GLRX3: variants seen among roughly 807,000 people sequenced by gnomAD.
GLRX3 encodes the protein glutaredoxin 3.
GLRX3 carries 22 observed loss-of-function variants against 49.5 expected under a neutral mutation model. The ratio of observed to expected loss-of-function variants is 0.44; its 90% CI spans 0.32 to 0.63. The LOEUF (loss-of-function observed/expected upper bound fraction) is 0.63. GLRX3 is among the 30% of genes least tolerant of loss of function. The probability of loss-of-function intolerance (pLI) is 0.05; values close to 1 mark genes in which losing one functional copy is unlikely to be tolerated. For synonymous variants in GLRX3, 133 were observed against 140.0 expected, an observed-to-expected ratio of 0.95 and a Z score of 0.35; for missense variants, 385 against 396.3, an observed-to-expected ratio of 0.97 and a Z score of 0.24.
At chr10:130,144,215 A>G (rs976629071) in intron 1 of GLRX3, among the ~76,000 whole-genome samples, 4 of 150,958 alleles carry the variant, frequency 2.6e-5, no homozygotes, top group African/African-American at 4.9e-5. Context: ...TTTCACAAAC[A>G]TTGTGCCATT....
chr10:130,159,218 G>A (rs578114286), intron 2 of GLRX3, among the ~76,000 whole-genome samples: 1 of 152,262 alleles, frequency 6.6e-6, no homozygotes, highest in South Asian at 2.1e-4. Flanking sequence ...ATATAGCTTG[G>A]TATTTCTCCA....
At position 130,170,558 on chromosome 10, in the gene GLRX3, G is replaced by C. The variant is rs552688638; in HGVS notation, c.772-1026G>C. ...GCCTAAATTCTTTGATTTTGGTTCA[G>C]TGTATTGAAACAATAGAGGAAGTTA... On this transcript the variant is annotated intron_variant, in intron 7 of 10. Coordinates refer to ENST00000331244, the MANE Select transcript of GLRX3 (RefSeq NM_006541.5). Among the ~76,000 whole-genome samples the C allele has an allele frequency of 3.9e-5, 6 of 152,260 alleles. No individual in the cohort carries two copies. In the South Asian group the frequency reaches 1.2e-3, roughly 32 times the overall value.
At position 130,169,439 on chromosome 10, in the gene GLRX3, A is replaced by C. The variant is rs911209424; in HGVS notation, c.720A>C (p.Lys240Asn). 4 of 1,608,758 alleles carry C rather than the reference A, an allele frequency of 2.5e-6. No individual in the cohort carries two copies. The Admixed American group carries it at 5.0e-5, about 20-fold the overall frequency. ...PKAPKLEERL[K>N]VLTNKASVML... ...ATCAATTTTCTCTCTTTAGGCTCAA[A>C]GTGCTGACAAATAAAGCTTCTGTGA... Residue 240 changes from lysine (K) to asparagine (N), a missense_variant, in exon 7 of 11, where the codon AAA (lysine) becomes AAC (asparagine). Coordinates refer to ENST00000331244, the MANE Select transcript of GLRX3 (RefSeq NM_006541.5).
chr10:130,143,001 G>A (rs4750790), intron 1 of GLRX3, among the ~76,000 whole-genome samples: 123,571 of 152,140 alleles, frequency 0.81, 50,934 homozygotes, highest in African/African-American at 0.94. Context: ...CTGTATATCA[G>A]GTGCAGACTT....
chr10:130,142,991 C>G (rs1862203365), intron 1 of GLRX3, among the ~76,000 whole-genome samples: 2 of 152,178 alleles, frequency 1.3e-5, no homozygotes, highest in African/African-American at 4.8e-5. Context: ...ATTCCCAAAT[C>G]TGTATATCAG....
chr10:130,176,115 T>G (rs1038182290), intron 10 of GLRX3, among the ~76,000 whole-genome samples: 10 of 151,984 alleles, frequency 6.6e-5, no homozygotes, highest in Non-Finnish European at 1.5e-4. Context: ...AATAAAAGTT[T>G]TTTTTTTTTT....
At chr10:130,143,446 T>C (rs1213398021) in intron 1 of GLRX3, among the ~76,000 whole-genome samples, 1 of 152,216 alleles carries the variant, frequency 6.6e-6, no homozygotes, top group Non-Finnish European at 1.5e-5. Context: ...ACCATAGATA[T>C]CTTTGCCAAG....
chr10:130,145,218 C>G lies in GLRX3; in HGVS notation c.100C>G (p.Leu34Val), dbSNP rs1166099302. ...CATTTAATTGATTTACAGGTCCCTC[C>G]TTGTGGTCCATTTCTGGGCACCATG... ...ELLRLKAKSL[L>V]VVHFWAPWAP... The change falls in exon 2 of 11, where the codon CTT becomes GTT. Residue 34 changes from leucine to valine, a missense_variant. By Grantham distance (32) the Leu-to-Val change is conservative (BLOSUM62 1). Around this residue, in one of 2 missense-constraint regions of GLRX3, gnomAD observed 374 missense variants for 358.6 expected, o/e 1.04. Coordinates refer to ENST00000331244, the MANE Select transcript of GLRX3 (RefSeq NM_006541.5). The G allele has an allele frequency of 7.2e-6, 10 of 1,381,884 alleles. No individual in the cohort carries two copies. The Admixed American group carries it at 1.4e-4, about 19-fold the overall frequency. The allele number at this position is 1,381,884 out of a possible 1,614,324, so 85.6% of individuals were successfully genotyped here.
intron 1 of GLRX3, among the ~76,000 whole-genome samples, chr10:130,141,430 T>C (rs1862173669): frequency 1.3e-5 from 2 of 152,218 alleles, no homozygotes; most frequent in African/African-American, 4.8e-5. Context: ...TTTTCACAAT[T>C]GTATACACAC....
At chr10:130,165,337 A>G in intron 4 of GLRX3, among the ~76,000 whole-genome samples, 1 of 152,126 alleles carries the variant, frequency 6.6e-6, no homozygotes, top group Non-Finnish European at 1.5e-5. Flanking sequence ...TTTTCAGACT[A>G]GGCTAATAGG....
At chr10:130,137,141 T>A (rs1390074604) in intron 1 of GLRX3, among the ~76,000 whole-genome samples, 1 of 152,224 alleles carries the variant, frequency 6.6e-6, no homozygotes. Context: ...TCTTCAGACT[T>A]AACCTGTTGC....
chr10:130,142,746 C>T (rs768580050), intron 1 of GLRX3, among the ~76,000 whole-genome samples: 1 of 152,102 alleles, frequency 6.6e-6, no homozygotes, highest in Non-Finnish European at 1.5e-5. Context: ...ATTGTCACTC[C>T]CTCTTGACAC....
At chr10:130,177,405 G>A (rs1471937726) in intron 10 of GLRX3, among the ~76,000 whole-genome samples, 1 of 152,204 alleles carries the variant, frequency 6.6e-6, no homozygotes, top group Non-Finnish European at 1.5e-5. Flanking sequence ...CGCATTAACA[G>A]CAGTGAGGGT....
chr10:130,147,318 G>A (rs1031904678), intron 2 of GLRX3, among the ~76,000 whole-genome samples: 1 of 152,216 alleles, frequency 6.6e-6, no homozygotes, highest in African/African-American at 2.4e-5. Flanking sequence ...GCTTTTATGT[G>A]TATCATGTTA....
intron 2 of GLRX3, among the ~76,000 whole-genome samples, chr10:130,155,047 C>T (rs1199063040): frequency 6.6e-6 from 1 of 152,006 alleles, no homozygotes; most frequent in Non-Finnish European, 1.5e-5. Context: ...TCATAGCTCA[C>T]TGCAGCCCCA....
chr10:130,163,374 A>G (rs942022311), intron 4 of GLRX3, among the ~76,000 whole-genome samples: 4 of 152,230 alleles, frequency 2.6e-5, no homozygotes, highest in African/African-American at 7.2e-5. Flanking sequence ...GTGAGCCGAG[A>G]TCGAGCCACT....
In GLRX3 at chr10:130,160,767, T is replaced by C. The variant is rs971841932; in HGVS notation, c.277-29T>C. 4 of 1,164,116 alleles carry C rather than the reference T, an allele frequency of 3.4e-6. No homozygotes were observed. The African/African-American group carries it at 6.0e-5, about 18-fold the overall frequency. The allele number at this position is 1,164,116 out of a possible 1,614,324, so 72.1% of individuals were successfully genotyped here. On this transcript the variant is annotated intron_variant, in intron 3 of 10. Coordinates refer to ENST00000331244, the MANE Select transcript of GLRX3 (RefSeq NM_006541.5). ...AATGTCATTATTATGGAATGCTGCA[T>C]GTATTCTAAATAACTTTTTAAACTT...
At chr10:130,176,774 TTCTC>T (rs1554958610) in intron 10 of GLRX3, among the ~76,000 whole-genome samples, 2 of 110,918 alleles carry the variant, frequency 1.8e-5, no homozygotes, top group Non-Finnish European at 3.6e-5. Flanking sequence ...CCCTCCCTCT[TTCTC>T]TCTCTCTCTC....
intron 3 of GLRX3, among the ~76,000 whole-genome samples, 158 bp downstream of exon 3, chr10:130,160,227 T>C (rs927018962): frequency 6.6e-6 from 1 of 152,208 alleles, no homozygotes; most frequent in African/African-American, 2.4e-5. Context: ...GCACCGATGC[T>C]GAGAAAGAAG....
Sources: gnomAD v4.1 joint callset for allele counts (sites outside exome capture counted in the v4.1 genomes callset) on GRCh38, gnomAD v4.1.1 for gene constraint, gnomAD v4.1.1 regional missense constraint, MANE v1.5 for transcripts, NCBI Gene and HGNC (gene_info 2026-07-23, HGNC 2026-07-21) for gene names.